The following EPB41L3 variants were observed in gnomAD, a reference collection of about 807,000 sequenced individuals.
EPB41L3 encodes the protein erythrocyte membrane protein band 4.1 like 3.
In EPB41L3, 57 loss-of-function variants were observed where a neutral mutation model predicts 127.1. That is an observed-to-expected ratio of 0.45 (90% CI 0.36 to 0.56). EPB41L3 has a LOEUF of 0.56. EPB41L3 is among the 20% of genes least tolerant of loss of function. The pLI is 0.00. For synonymous variants in EPB41L3, 572 were observed against 549.5 expected (o/e 1.04, Z -0.57); for missense variants, 1,273 against 1,372.2 (o/e 0.93, Z 1.14).
chr18:5,439,570 C>T (rs959895178), intron 5 of EPB41L3, among the ~76,000 whole-genome samples: 1 of 152,204 alleles, frequency 6.6e-6, no homozygotes, highest in Non-Finnish European at 1.5e-5. Flanking sequence ...AGGAACTCTA[C>T]CTGAGGTGCC....
At chr18:5,409,657 A>G (rs957977221) in intron 14 of EPB41L3, among the ~76,000 whole-genome samples, 1 of 151,508 alleles carries the variant, frequency 6.6e-6, no homozygotes, top group Non-Finnish European at 1.5e-5. Flanking sequence ...CACTTACAAT[A>G]TTTTTAGTTT....
At chr18:5,503,558 C>T (rs531723362) in intron 1 of EPB41L3, among the ~76,000 whole-genome samples, 7 of 152,192 alleles carry the variant, frequency 4.6e-5, no homozygotes, top group African/African-American at 7.2e-5. Context: ...ATCGCATTAT[C>T]TGCACTTTTA....
At chr18:5,533,530 T>C (rs1259709843) in intron 1 of EPB41L3, among the ~76,000 whole-genome samples, 1 of 152,224 alleles carries the variant, frequency 6.6e-6, no homozygotes, top group Non-Finnish European at 1.5e-5. Context: ...GTTTCACATA[T>C]ATAAGTGAAG....
At chr18:5,491,075 A>G (rs2090539781) in intron 1 of EPB41L3, among the ~76,000 whole-genome samples, 1 of 152,224 alleles carries the variant, frequency 6.6e-6, no homozygotes, top group South Asian at 2.1e-4. Context: ...CTGAGACTAC[A>G]ATGAGCTGTG....
chr18:5,588,418 C>T (rs2094458151), intron 3 of EPB41L3, among the ~76,000 whole-genome samples: 1 of 151,818 alleles, frequency 6.6e-6, no homozygotes, highest in Non-Finnish European at 1.5e-5. Context: ...AATACACAAA[C>T]TACATATACT....
chr18:5,451,251 A>T (rs1034597756), intron 3 of EPB41L3, among the ~76,000 whole-genome samples: 1 of 152,182 alleles, frequency 6.6e-6, no homozygotes, highest in Non-Finnish European at 1.5e-5. Flanking sequence ...GCATCACCCA[A>T]AGTCACCAAT....
chr18:5,506,684 TC>T (rs752255454), intron 1 of EPB41L3, among the ~76,000 whole-genome samples: 14 of 152,166 alleles, frequency 9.2e-5, no homozygotes, highest in Non-Finnish European at 1.6e-4. Flanking sequence ...CTCTGTTGTA[TC>T]CCAGGCATCT....
chr18:5,409,644 T>C (rs1047245647), intron 14 of EPB41L3, among the ~76,000 whole-genome samples: 5 of 151,772 alleles, frequency 3.3e-5, no homozygotes, highest in Non-Finnish European at 7.4e-5. Context: ...GATATACAGA[T>C]ACCACTTACA....
intron 3 of EPB41L3, among the ~76,000 whole-genome samples, chr18:5,452,046 G>A (rs1320042253): frequency 6.6e-6 from 1 of 152,000 alleles, no homozygotes; most frequent in Non-Finnish European, 1.5e-5. Flanking sequence ...GACACTTTTA[G>A]TAGAGACATG....
chr18:5,396,502 ACT>A lies in EPB41L3; in HGVS notation c.2842-172_2842-171del, dbSNP rs1207063391. On this transcript the variant is annotated intron_variant, in intron 18 of 22. Coordinates refer to ENST00000341928, the MANE Select transcript of EPB41L3 (RefSeq NM_012307.5). ...CAACATGCACATGTCAGTCTCCTGG[ACT>A]CTCATAGCACTTTTATATGAAATGC... Among the ~76,000 whole-genome samples the A allele has an allele frequency of 3.3e-5, 5 of 150,326 alleles. No homozygotes were observed. In the East Asian group the frequency reaches 5.8e-4, roughly 17 times the overall value.
At chr18:5,561,103 G>A (rs368046693) in intron 3 of EPB41L3, among the ~76,000 whole-genome samples, 19 of 148,426 alleles carry the variant, frequency 1.3e-4, no homozygotes, top group African/African-American at 3.7e-4. Flanking sequence ...TCAGCCTCCC[G>A]AGTAGCTGGG....
At chr18:5,509,516 C>T (rs1179867290) in intron 1 of EPB41L3, among the ~76,000 whole-genome samples, 1 of 152,188 alleles carries the variant, frequency 6.6e-6, no homozygotes, top group Non-Finnish European at 1.5e-5. Context: ...TCACACTAAT[C>T]TAAAAGGAAT....
chr18:5,547,214 C>G (rs2093895682), upstream of EPB41L3, among the ~76,000 whole-genome samples: 1 of 152,178 alleles, frequency 6.6e-6, no homozygotes, highest in African/African-American at 2.4e-5. Context: ...TAACTTCTCT[C>G]CTTTTCCCTC....
chr18:5,456,762 A>G (rs2146893211), intron 3 of EPB41L3, among the ~76,000 whole-genome samples: 1 of 152,360 alleles, frequency 6.6e-6, no homozygotes, highest in South Asian at 2.1e-4. Flanking sequence ...ATACTGCGTG[A>G]ACCCACAATC....
intron 1 of EPB41L3, among the ~76,000 whole-genome samples, chr18:5,628,736 T>C (rs1490397194): frequency 6.6e-6 from 1 of 152,040 alleles, no homozygotes; most frequent in African/African-American, 2.4e-5. Context: ...CGCCGCGTGG[T>C]TGCTGCTCCC....
At chr18:5,449,328 A>C (rs1030505849) in intron 3 of EPB41L3, among the ~76,000 whole-genome samples, 6 of 152,194 alleles carry the variant, frequency 3.9e-5, no homozygotes, top group Non-Finnish European at 7.3e-5. Context: ...AACAATAAAA[A>C]CACCAAGTGC....
At chr18:5,489,520 A>C in intron 1 of EPB41L3, 1 of 272,620 alleles carries the variant, frequency 3.7e-6, no homozygotes, top group East Asian at 8.7e-5. Context: ...CTTACATTCA[A>C]TTAAAAAAAT....
intron 2 of EPB41L3, among the ~76,000 whole-genome samples, chr18:5,481,964 T>C (rs1485109890): frequency 6.6e-6 from 1 of 151,916 alleles, no homozygotes. Flanking sequence ...AACTAATCCT[T>C]CTATACAAAG....
At chr18:5,585,424 C>A (rs761603921) in intron 3 of EPB41L3, among the ~76,000 whole-genome samples, 4 of 152,110 alleles carry the variant, frequency 2.6e-5, no homozygotes, top group Non-Finnish European at 5.9e-5. Context: ...CTGCCCCAGA[C>A]TCCGGAGTAG....
Sources: allele counts gnomAD v4.1 joint callset (sites outside exome capture counted in the v4.1 genomes callset), GRCh38; gene constraint gnomAD v4.1.1; transcripts MANE v1.5; gene names NCBI Gene and HGNC (gene_info 2026-07-23, HGNC 2026-07-21).